Variants in DBNDD1 observed in about 807,000 individuals in gnomAD.
The protein encoded by DBNDD1 is dysbindin domain-containing protein 1.
DBNDD1 carries 14 observed loss-of-function variants against 17.0 expected under a neutral mutation model. The observed-to-expected ratio is 0.82, with a 90% CI of 0.54 to 1.29. The LOEUF is 1.29. DBNDD1 is among the 50% of genes most tolerant of loss of function. The probability of loss-of-function intolerance (pLI) is 0.00; values close to 1 mark genes in which losing one functional copy is unlikely to be tolerated. For synonymous variants in DBNDD1, 105 were observed against 102.0 expected (o/e 1.03, Z -0.18); for missense variants, 221 against 216.2 (o/e 1.02, Z -0.14).
intron 3 of DBNDD1, chr16:90,006,801 A>G: frequency 3.1e-6 from 1 of 322,924 alleles, no homozygotes; most frequent in Non-Finnish European, 6.0e-6. Flanking sequence ...GCCTCCCTAA[A>G]CTGTTCCCCC....
chr16:90,018,984 C>G (rs942432293), intron 1 of DBNDD1, among the ~76,000 whole-genome samples: 1 of 152,224 alleles, frequency 6.6e-6, no homozygotes, highest in African/African-American at 2.4e-5. Context: ...CCCGGAACCC[C>G]CCTCCCCCGC....
At chr16:90,010,122 T>G (rs538652039) in intron 1 of DBNDD1, 6 of 1,399,732 alleles carry the variant, frequency 4.3e-6, no homozygotes, top group Non-Finnish European at 5.0e-6. Flanking sequence ...CTCGGCTCAC[T>G]GCAACCTCTG....
intron 3 of DBNDD1, chr16:90,007,650 C>T (rs8056069): frequency 0.83 from 126,380 of 152,292 alleles, 53,354 homozygotes; most frequent in African/African-American, 0.89. Context: ...GGGCTGGTGA[C>T]CACCCCCACC....
chr16:90,006,131 TG>T lies in DBNDD1; in HGVS notation c.*203del. On this transcript the variant is annotated 3_prime_UTR_variant, in exon 4 of 4. Coordinates refer to ENST00000002501, the MANE Select transcript of DBNDD1 (RefSeq NM_001042610.3). ...CCGTGTGTCCCCCAGGAAAGCCGGC[TG>T]GTCTCCAAGTGAGGCGAAGACCCGT... 1 of 730,902 alleles carries T rather than the reference TG, an allele frequency of 1.4e-6. No homozygotes were observed. Among genetic ancestry groups the T allele is most frequent in the Non-Finnish European group, 2.1e-6 (1 of 474,710 alleles). 45.3% of individuals were successfully genotyped at this position (730,902 alleles called of 1,614,324 possible).
chr16:90,010,331 G>A (rs573492543), intron 1 of DBNDD1: 28 of 231,808 alleles, frequency 1.2e-4, no homozygotes, highest in East Asian at 1.9e-4. Context: ...GTGAGCCACC[G>A]AGCCTGGCCT....
chr16:90,018,623 G>T (rs1021582925), intron 1 of DBNDD1, among the ~76,000 whole-genome samples: 6 of 152,238 alleles, frequency 3.9e-5, no homozygotes, highest in African/African-American at 1.4e-4. Flanking sequence ...TGATCGGGAA[G>T]GGGGGAGGTT....
At chr16:90,018,991 C>T (rs2035707891) in intron 1 of DBNDD1, among the ~76,000 whole-genome samples, 1 of 152,234 alleles carries the variant, frequency 6.6e-6, no homozygotes, top group African/African-American at 2.4e-5. Context: ...CCCCCCTCCC[C>T]CGCTCCCCGG....
At chr16:90,009,980 A>G (rs747899021) in intron 1 of DBNDD1, 1 of 1,614,222 alleles carries the variant, frequency 6.2e-7, no homozygotes, top group Admixed American at 1.7e-5. Context: ...CAGGCCTGCC[A>G]TTCTGTGATC....
At chr16:90,018,369 G>C (rs2035683117) in intron 1 of DBNDD1, among the ~76,000 whole-genome samples, 1 of 152,254 alleles carries the variant, frequency 6.6e-6, no homozygotes, top group Non-Finnish European at 1.5e-5. Context: ...CTCCTCCCGG[G>C]GACAGCCCTT....
At position 90,018,066 on chromosome 16, in the gene DBNDD1, G is replaced by A. The variant is rs976206916; in HGVS notation, c.31+1245C>T. On this transcript the variant is annotated intron_variant, in intron 1 of 3. Coordinates refer to ENST00000002501, the MANE Select transcript of DBNDD1 (RefSeq NM_001042610.3). ...TGCCTTGGGCTCCCACAGCCCTGCA[G>A]GGGAAGCAGAACTGTCTCCACTGAC... is the stretch of plus-strand genomic sequence containing the variant. Among the ~76,000 whole-genome samples the A allele has an allele frequency of 3.3e-5, 5 of 152,236 alleles. No individual in the cohort carries two copies. In the East Asian group the frequency reaches 9.6e-4, roughly 29 times the overall value.
intron 1 of DBNDD1, 48 bp from the exon 2 acceptor site, chr16:90,009,478 A>G: frequency 6.3e-7 from 1 of 1,599,806 alleles, no homozygotes; most frequent in South Asian, 1.1e-5. Flanking sequence ...GGGCTCCCAC[A>G]TCCCCCCAGG....
chr16:90,015,719 T>C (rs2035629088), intron 1 of DBNDD1, among the ~76,000 whole-genome samples: 1 of 152,190 alleles, frequency 6.6e-6, no homozygotes, highest in Non-Finnish European at 1.5e-5. Flanking sequence ...TGCATGAGCC[T>C]GATCACCTCA....
rs1303072081 is a variant in DBNDD1, at chr16:90,011,819, C to G, written c.32-2389G>C. On this transcript the variant is annotated intron_variant, in intron 1 of 3. Transcript: ENST00000002501. ...GGGGACAGGGGGTGAGATGTGGACT[C>G]TGTTCTAAGGCTGTGAGCAGGGGGA... 3 of 370,336 alleles carry G rather than the reference C, an allele frequency of 8.1e-6. No individual in the cohort carries two copies. In the East Asian group the frequency reaches 2.4e-4, roughly 29 times the overall value. 22.9% of individuals were successfully genotyped at this position (370,336 alleles called of 1,614,324 possible).
intron 1 of DBNDD1, among the ~76,000 whole-genome samples, chr16:90,013,517 G>A (rs1412627875): frequency 6.6e-6 from 1 of 152,118 alleles, no homozygotes; most frequent in Non-Finnish European, 1.5e-5. Flanking sequence ...TCCTGATCAT[G>A]GCGTGGAGAT....
rs1238467161 is a variant in DBNDD1 at position 90,019,314 on chromosome 16, C to T, written c.28G>A (p.Gly10Arg). 5 of 1,214,720 alleles carry T rather than the reference C, an allele frequency of 4.1e-6. No homozygotes were observed. Among genetic ancestry groups the T allele is most frequent in the Non-Finnish European group, 5.1e-6 (5 of 976,306 alleles). The allele number at this position is 1,214,720 out of a possible 1,614,324, so 75.2% of individuals were successfully genotyped here. Reference sequence around the variant, plus strand: ...CGGGGGCTGGGGCTGAACTCACCTCCGGTGCCGGCGCCCTCCGGGGGCTCC... The same window carrying T: ...CGGGGGCTGGGGCTGAACTCACCTCTGGTGCCGGCGCCCTCCGGGGGCTCC... The part of the protein sequence containing the change: MEPPEGAGT[G>R]EIVKEAEVPQ... The change falls in exon 1 of 4, where the codon GGA (glycine) becomes AGA (arginine). Residue 10 changes from glycine to arginine, a missense_variant. Gly to Arg is a moderately radical substitution (Grantham distance 125, BLOSUM62 -2). Transcript: ENST00000002501. The surrounding 1 kb of genome is among the most constrained non-coding windows in gnomAD (Gnocchi z 6.1).
At chr16:90,018,180 C>A (rs938426670) in intron 1 of DBNDD1, among the ~76,000 whole-genome samples, 2 of 152,242 alleles carry the variant, frequency 1.3e-5, no homozygotes, top group African/African-American at 2.4e-5. Flanking sequence ...TCACTCCCAA[C>A]CTCCAGGCTT....
Position 90,011,780 on chromosome 16 carries a change from G to A in DBNDD1, c.32-2350C>T, listed in dbSNP as rs1010412891. ...CCAAGCCCAGCAGGGATACCTCTCC[G>A]CCCAGAGGGCACAGGGGACAGGGGG... is the stretch of plus-strand genomic sequence containing the variant. On this transcript the variant is annotated intron_variant, in intron 1 of 3. Transcript: ENST00000002501. 1.9e-4 allele frequency: 79 copies of A among 412,638 alleles called. 2 individuals are homozygous for A. In the Middle Eastern group the frequency reaches 3.8e-3, roughly 20 times the overall value. 25.6% of individuals were successfully genotyped at this position (412,638 alleles called of 1,614,324 possible). A position where few individuals can be genotyped will look rare whatever the true frequency, so the allele number is the denominator to read the frequency against.
At chr16:90,014,624 T>G (rs75163917) in intron 1 of DBNDD1, among the ~76,000 whole-genome samples, 7,842 of 152,256 alleles carry the variant, frequency 0.052, 273 homozygotes, top group East Asian at 0.14. Context: ...CCCAAGGGGC[T>G]ACAGACAGCT....
intron 2 of DBNDD1, 52 bp downstream of exon 2, chr16:90,009,232 G>T: frequency 1.9e-6 from 3 of 1,604,102 alleles, no homozygotes; most frequent in Non-Finnish European, 1.7e-6. Flanking sequence ...TTGTCTCTTG[G>T]GGGAGCTCAC....
Sources: gnomAD v4.1 joint callset for allele counts (sites outside exome capture counted in the v4.1 genomes callset) on GRCh38, gnomAD v4.1.1 for gene constraint, Gnocchi (gnomAD v3.1) non-coding constraint, MANE v1.5 for transcripts, NCBI Gene and HGNC (gene_info 2026-07-23, HGNC 2026-07-21) for gene names.